The following EXOC2 variants were observed in gnomAD, a reference collection of about 807,000 sequenced individuals.
The protein encoded by EXOC2 is SEC5-like 1.
A neutral mutation model predicts 131.8 loss-of-function variants in EXOC2; 70 were observed. The ratio of observed to expected loss-of-function variants is 0.53; its 90% CI spans 0.44 to 0.65. EXOC2 has a LOEUF of 0.65. Ranked by LOEUF, EXOC2 falls within the 30% of genes least tolerant of loss-of-function variation. The pLI, the probability that EXOC2 is intolerant of heterozygous loss-of-function variation, is 0.00. For synonymous variants in EXOC2, 411 were observed against 398.4 expected, an observed-to-expected ratio of 1.03 and a Z score of -0.38; for missense variants, 923 against 1,108.6, an observed-to-expected ratio of 0.83 and a Z score of 2.38.
chr6:583,760 ACT>A (rs1759044965), intron 11 of EXOC2, among the ~76,000 whole-genome samples: 1 of 152,100 alleles, frequency 6.6e-6, no homozygotes, highest in African/African-American at 2.4e-5. Flanking sequence ...ATTTTGAAAA[ACT>A]CTGTCATCAC....
At chr6:691,271 T>C (rs1270688916) in intron 1 of EXOC2, among the ~76,000 whole-genome samples, 1 of 152,234 alleles carries the variant, frequency 6.6e-6, no homozygotes, top group Admixed American at 6.5e-5. Context: ...AGTAATACAG[T>C]TGACCCTTAA....
At chr6:655,705 A>G (rs1763041881) in intron 1 of EXOC2, among the ~76,000 whole-genome samples, 1 of 152,244 alleles carries the variant, frequency 6.6e-6, no homozygotes, top group Non-Finnish European at 1.5e-5. Context: ...CTCTCTACAT[A>G]AGAAATGCCC....
At chr6:690,965 G>A (rs1004915548) in intron 1 of EXOC2, among the ~76,000 whole-genome samples, 4 of 152,062 alleles carry the variant, frequency 2.6e-5, no homozygotes, top group African/African-American at 2.4e-5. Flanking sequence ...TCTCAACAGT[G>A]ACCTAAAATT....
Position 629,933 on chromosome 6 carries a change from A to C in EXOC2, c.324T>G (p.Val108=), listed in dbSNP as rs1435575259. ...IGILDQSAVW[V]DEMNYYDMRT... is the part of the protein sequence containing the mutation. ...GCATATCATAATAATTCATTTCATC[A>C]ACCCACACAGCAGACTGATCCAAAA... Residue 108 remains valine (V), a synonymous_variant, in exon 4 of 28, where the codon GTT becomes GTG. Transcript: ENST00000230449. The C allele has an allele frequency of 2.5e-6, 4 of 1,614,064 alleles. No homozygotes were observed. In the South Asian group the frequency reaches 4.4e-5, roughly 18 times the overall value.
rs1763261960 is a variant in EXOC2, at chr6:488,993, A to G, written c.2667T>C (p.Ser889=). ...ACAGGACTTACTTTTTATCTGCTCCACTGGAAAGCTGGGGCAGGGCTTCCA... is the reference window on the plus strand; with the variant it reads ...ACAGGACTTACTTTTTATCTGCTCCGCTGGAAAGCTGGGGCAGGGCTTCCA... The part of the protein sequence containing the change: ...QALEALPQLS[S]GADKKLLEEL... The change falls in exon 27 of 28, where the codon AGT becomes AGC. Residue 889 remains serine, a synonymous_variant. Coordinates refer to ENST00000230449, the MANE Select transcript of EXOC2 (RefSeq NM_018303.6). The G allele has an allele frequency of 2.5e-6, 4 of 1,613,892 alleles. No homozygotes were observed. The East Asian group carries it at 8.9e-5, about 36-fold the overall frequency.
At chr6:612,053 G>A (rs1760741510) in intron 6 of EXOC2, among the ~76,000 whole-genome samples, 1 of 152,204 alleles carries the variant, frequency 6.6e-6, no homozygotes, top group African/African-American at 2.4e-5. Flanking sequence ...TAATGTCTGT[G>A]TAGGGTAGTA....
At chr6:621,505 C>G (rs1423017594) in intron 4 of EXOC2, among the ~76,000 whole-genome samples, 1 of 152,214 alleles carries the variant, frequency 6.6e-6, no homozygotes, top group African/African-American at 2.4e-5. Context: ...AGCATCTCAG[C>G]CAGGACAGGG....
At chr6:645,858 G>A (rs960344548) in intron 1 of EXOC2, among the ~76,000 whole-genome samples, 2 of 152,188 alleles carry the variant, frequency 1.3e-5, no homozygotes, top group African/African-American at 4.8e-5. Flanking sequence ...GGCAGGGCAA[G>A]GACAAGGTAA....
intron 5 of EXOC2, among the ~76,000 whole-genome samples, chr6:619,002 G>A (rs1761150534): frequency 6.6e-6 from 1 of 152,118 alleles, no homozygotes. Flanking sequence ...TTTAAGCCAG[G>A]TCCTTACATG....
At chr6:546,510 ACAC>A (rs1358680214) in intron 22 of EXOC2, among the ~76,000 whole-genome samples, 2 of 152,128 alleles carry the variant, frequency 1.3e-5, no homozygotes, top group Non-Finnish European at 2.9e-5. Context: ...TGACCCTTGA[ACAC>A]CACGGGTCTG....
At chr6:518,709 GAAAATATCTGA>G (rs1765297816) in intron 23 of EXOC2, among the ~76,000 whole-genome samples, 1 of 152,010 alleles carries the variant, frequency 6.6e-6, no homozygotes, top group South Asian at 2.1e-4. Context: ...TAAAGAAGAA[GAAAATATCTGA>G]AAACAAGCAA....
intron 1 of EXOC2, among the ~76,000 whole-genome samples, chr6:672,812 A>G (rs1581667386): frequency 6.6e-6 from 1 of 152,196 alleles, no homozygotes; most frequent in Admixed American, 6.5e-5. Context: ...AAGCTCCTAC[A>G]TCTCTGACCA....
chr6:583,104 C>T (rs1759004098), intron 11 of EXOC2, among the ~76,000 whole-genome samples: 1 of 152,064 alleles, frequency 6.6e-6, no homozygotes, highest in South Asian at 2.1e-4. Flanking sequence ...TGTCAAAGTC[C>T]TATGTCTTTT....
At chr6:553,801 T>C (rs563255570) in intron 21 of EXOC2, 53 bp downstream of exon 21, 12 of 1,489,652 alleles carry the variant, frequency 8.1e-6, no homozygotes, top group African/African-American at 2.8e-5. Context: ...ATTTGCGAAA[T>C]TGTTGTTACA....
At chr6:610,205 T>G in intron 6 of EXOC2, 27 bp from the exon 7 acceptor site, 1 of 1,571,114 alleles carries the variant, frequency 6.4e-7, no homozygotes, top group Non-Finnish European at 8.8e-7. Context: ...AGTTAAAATG[T>G]AGGCCATTTT....
intron 1 of EXOC2, among the ~76,000 whole-genome samples, chr6:653,527 C>T (rs1762925677): frequency 6.6e-6 from 1 of 152,160 alleles, no homozygotes; most frequent in African/African-American, 2.4e-5. Context: ...AGTGTAAAGC[C>T]CTAACTCTCT....
chr6:503,785 C>T (rs1167658173), intron 23 of EXOC2, among the ~76,000 whole-genome samples: 1 of 152,100 alleles, frequency 6.6e-6, no homozygotes, highest in Non-Finnish European at 1.5e-5. Flanking sequence ...TTCAGAATTT[C>T]GCTTCCTTTC....
intron 23 of EXOC2, among the ~76,000 whole-genome samples, chr6:527,626 C>A (rs1050637047): frequency 2.3e-4 from 35 of 152,332 alleles, no homozygotes; most frequent in African/African-American, 7.9e-4. Flanking sequence ...AGGTTATATG[C>A]ATCATACATG....
At chr6:609,938 A>T (rs1375715099) in intron 7 of EXOC2, among the ~76,000 whole-genome samples, 160 bp downstream of exon 7, 1 of 152,234 alleles carries the variant, frequency 6.6e-6, no homozygotes, top group African/African-American at 2.4e-5. Flanking sequence ...ATTCATTTTC[A>T]ATGTTTCTAT....
Sources: gnomAD v4.1 joint callset for allele counts (sites outside exome capture counted in the v4.1 genomes callset) on GRCh38, gnomAD v4.1.1 for gene constraint, MANE v1.5 for transcripts, NCBI Gene and HGNC (gene_info 2026-07-23, HGNC 2026-07-21) for gene names.